The following ODF2L variants were observed in gnomAD, a reference collection of about 807,000 sequenced individuals.
ODF2L encodes the protein outer dense fiber of sperm tails 2 like.
In ODF2L, 76 loss-of-function variants were observed where a neutral mutation model predicts 86.3. The observed-to-expected ratio is 0.88, with a 90% CI of 0.73 to 1.07. The LOEUF (loss-of-function observed/expected upper bound fraction) is 1.07, where lower values mean the gene tolerates loss of function less well. ODF2L is among the 50% of genes least tolerant of loss of function. The probability of loss-of-function intolerance (pLI) is 0.00; values close to 1 mark genes in which losing one functional copy is unlikely to be tolerated. For synonymous variants in ODF2L, 241 were observed against 231.3 expected (o/e 1.04, Z -0.38); for missense variants, 748 against 717.4 (o/e 1.04, Z -0.49).
chr1:86,368,796 C>G, intron 10 of ODF2L: 1 of 1,232,334 alleles, frequency 8.1e-7, no homozygotes, highest in Non-Finnish European at 1.0e-6. Flanking sequence ...ATGTTAAAAA[C>G]ATTGGGAATA....
chr1:86,384,821 A>G lies in ODF2L; in HGVS notation c.247-20T>C. 1 of 1,476,170 alleles carries G rather than the reference A, an allele frequency of 6.8e-7. No individual in the cohort carries two copies. Among genetic ancestry groups the G allele is most frequent in the Non-Finnish European group, 9.0e-7 (1 of 1,116,492 alleles). The allele number at this position is 1,476,170 out of a possible 1,614,324, so 91.4% of individuals were successfully genotyped here. On this transcript the variant is annotated intron_variant, in intron 3 of 17. Coordinates refer to ENST00000317336, the Ensembl canonical transcript of ODF2L. ...ATTCGCCTGACAAATTATAAGAACC[A>G]CATACACATTTTAAGACACAGCATT...
chr1:86,395,728 A>C (rs919140574), intron 1 of ODF2L, among the ~76,000 whole-genome samples: 1 of 152,212 alleles, frequency 6.6e-6, no homozygotes, highest in African/African-American at 2.4e-5. Context: ...AAATGCAACC[A>C]TATCCAGGAA....
At chr1:86,376,464 G>T in intron 7 of ODF2L, 46 bp from the exon 8 acceptor site, 1 of 1,219,270 alleles carries the variant, frequency 8.2e-7, no homozygotes, top group Non-Finnish European at 1.2e-6. Flanking sequence ...GAACTCCAAT[G>T]TTTATGTAAA....
chr1:86,382,177 G>C (rs979224341), intron 7 of ODF2L, 65 bp downstream of exon 7: 6 of 1,485,884 alleles, frequency 4.0e-6, no homozygotes, highest in Non-Finnish European at 5.3e-6. Context: ...ACTAAGGAAG[G>C]CTTTATGGCC....
chr1:86,368,674 T>C, exon 11 of ODF2L: 2 of 1,450,020 alleles, frequency 1.4e-6, no homozygotes, highest in Non-Finnish European at 1.8e-6. Flanking sequence ...TCAAGAACAA[T>C]CAAAATGTTC....
intron 16 of ODF2L, 109 bp downstream of exon 15, chr1:86,354,421 C>T: frequency 1.5e-6 from 1 of 687,858 alleles, no homozygotes; most frequent in East Asian, 2.6e-5. Flanking sequence ...TAATTGCTCC[C>T]TTCACCCTGT....
chr1:86,355,190 T>C, intron 14 of ODF2L: 1 of 596,446 alleles, frequency 1.7e-6, no homozygotes, highest in Non-Finnish European at 3.0e-6. Flanking sequence ...GCAGTATTAA[T>C]CTCCTATTTT....
chr1:86,347,927 T>C (rs11803763), downstream of ODF2L: 1 of 152,186 alleles, frequency 6.6e-6, no homozygotes, highest in African/African-American at 2.4e-5. Flanking sequence ...AAAGACCTTA[T>C]TTTAAAGCTT....
rs12043873 is a variant in ODF2L, at chr1:86,368,016, A to T, written c.1143+620T>A. On this transcript the variant is annotated intron_variant, in intron 11 of 17. Transcript: ENST00000317336. The stretch of plus-strand genomic sequence containing the variant: ...ATTAATTGTCTGAACCATGTAAAAA[A>T]CATCAGCTGAATACAAAGTGCACAA... Among the ~76,000 whole-genome samples the T allele has an allele frequency of 0.011, 1,684 of 152,272 alleles. 67 individuals are homozygous for T. The East Asian group carries it at 0.11, about 10-fold the overall frequency.
At chr1:86,395,416 T>C (rs1570454608) in intron 1 of ODF2L, among the ~76,000 whole-genome samples, 1 of 152,080 alleles carries the variant, frequency 6.6e-6, no homozygotes, top group Non-Finnish European at 1.5e-5. Context: ...GTTACAGTTA[T>C]CAGTAAGGAA....
intron 2 of ODF2L, 165 bp from the exon 3 acceptor site, chr1:86,385,755 C>G: frequency 2.1e-6 from 1 of 467,532 alleles, no homozygotes; most frequent in East Asian, 3.3e-5. Context: ...TTTAAGAATA[C>G]TTTATTTTAC....
intron 1 of ODF2L, 99 bp from the exon 2 acceptor site, chr1:86,387,185 C>T (rs1410777757): frequency 2.0e-5 from 9 of 460,228 alleles, no homozygotes; most frequent in Non-Finnish European, 3.0e-5. Flanking sequence ...AAAAGAATAA[C>T]ATTTCAAAGA....
At chr1:86,361,588 T>G (rs1428097802) in intron 11 of ODF2L, among the ~76,000 whole-genome samples, 1 of 152,228 alleles carries the variant, frequency 6.6e-6, no homozygotes, top group East Asian at 1.9e-4. Flanking sequence ...ATTTCACAGC[T>G]TTCCAATACA....
At chr1:86,390,371 G>T (rs929623953) in intron 1 of ODF2L, among the ~76,000 whole-genome samples, 1 of 152,016 alleles carries the variant, frequency 6.6e-6, no homozygotes, top group Non-Finnish European at 1.5e-5. Context: ...AGTGAGCCAC[G>T]ACCATGCCAC....
In ODF2L at chr1:86,356,584, A is replaced by G. The variant is rs761666143; in HGVS notation, c.1378T>C (p.Ser460Pro). ...ACACGCTCTAACTCCTTCAGATGAG[A>G]CTCCATCTGGCCTCTCATCTGAGTT... Residue 460 changes from serine (S) to proline (P), a missense_variant, in exon 14 of 18, where the codon TCT becomes CCT. Transcript: ENST00000317336. 1.9e-6 allele frequency: 3 copies of G among 1,613,468 alleles called. No individual in the cohort carries two copies. The Admixed American group carries it at 5.0e-5, about 27-fold the overall frequency.
In ODF2L at chr1:86,356,746, A is replaced by T. The variant is rs369612297; in HGVS notation, c.1360-144T>A. On this transcript the variant is annotated intron_variant, in intron 13 of 17. Transcript: ENST00000317336. ...AAGAACACAACTGAATAAATATTAA[A>T]CTCTGTTAAATAAGAATGTATAACT... 72 of 615,046 alleles carry T rather than the reference A, an allele frequency of 1.2e-4. No homozygotes were observed. The South Asian group carries it at 1.3e-3, about 12-fold the overall frequency. The allele number at this position is 615,046 out of a possible 1,614,324, so 38.1% of individuals were successfully genotyped here.
chr1:86,377,471 T>C (rs1660256818), intron 7 of ODF2L, among the ~76,000 whole-genome samples: 1 of 152,198 alleles, frequency 6.6e-6, no homozygotes, highest in Admixed American at 6.5e-5. Flanking sequence ...TGGGACTCTA[T>C]GTGGGGTCTC....
At chr1:86,364,994 A>G (rs949439105) in intron 11 of ODF2L, among the ~76,000 whole-genome samples, 1 of 152,208 alleles carries the variant, frequency 6.6e-6, no homozygotes, top group Non-Finnish European at 1.5e-5. Flanking sequence ...GAATTTTCCA[A>G]TACAATTTCT....
intron 11 of ODF2L, 75 bp from the exon 11 acceptor site, chr1:86,360,611 A>G: frequency 1.5e-6 from 1 of 648,012 alleles, no homozygotes; most frequent in Non-Finnish European, 2.7e-6. Context: ...TATTATAAAA[A>G]CATAACTCAT....
Sources: gnomAD v4.1 joint callset for allele counts (sites outside exome capture counted in the v4.1 genomes callset) on GRCh38, gnomAD v4.1.1 for gene constraint, MANE v1.5 for transcripts, NCBI Gene and HGNC (gene_info 2026-07-23, HGNC 2026-07-21) for gene names.